DYRK1A: variants seen among roughly 807,000 people sequenced by gnomAD.
The protein encoded by DYRK1A is dual specificity tyrosine phosphorylation regulated kinase 1A.
Under a neutral mutation model 79.7 loss-of-function variants are expected in DYRK1A, and 9 were observed. That is an observed-to-expected ratio of 0.11 (90% confidence interval 0.07 to 0.20). DYRK1A has a LOEUF of 0.20. Among genes scored for constraint, DYRK1A ranks in the 10% least tolerant of loss-of-function variants. DYRK1A has a pLI of 1.00. For synonymous variants in DYRK1A, 349 were observed against 329.7 expected (o/e 1.06, Z -0.63); for missense variants, 622 against 956.0 (o/e 0.65, Z 4.61).
rs2053948104 is a variant in DYRK1A at position 37,523,390 on chromosome 21, A to G, written c.*10859A>G. 6.6e-6 allele frequency: 1 copy of G among 152,178 alleles called. No homozygotes were observed. The highest frequency in any genetic ancestry group is 1.5e-5 in the Non-Finnish European group (1 of 68,050). 9.4% of individuals were successfully genotyped at this position (152,178 alleles called of 1,614,324 possible). ...GGGGGCCCCAGGATTATGCCCCGGG[A>G]TTAAAAGAAGCTGGGAGGCTCTCCA... is the stretch of plus-strand genomic sequence containing the variant. On this transcript the variant is annotated 3_prime_UTR_variant, in exon 12 of 12. Transcript: ENST00000647188.
chr21:37,462,498 G>C (rs1204913597), intron 2 of DYRK1A, among the ~76,000 whole-genome samples: 1 of 152,164 alleles, frequency 6.6e-6, no homozygotes, highest in African/African-American at 2.4e-5. Context: ...ATGTCTTACA[G>C]TCTTGTGTGA....
At chr21:37,480,587 T>A (rs1339693464) in intron 4 of DYRK1A, 51 bp from the exon 5 acceptor site, 2 of 1,422,566 alleles carry the variant, frequency 1.4e-6, no homozygotes, top group Admixed American at 4.6e-5. Context: ...ATAATGCCCT[T>A]CCTCACAGTG....
At chr21:37,375,504 C>T (rs992033518) in intron 1 of DYRK1A, among the ~76,000 whole-genome samples, 2 of 147,228 alleles carry the variant, frequency 1.4e-5, no homozygotes, top group Non-Finnish European at 3.0e-5. Flanking sequence ...TTAGAATATT[C>T]CTAGAGGAAT....
intron 1 of DYRK1A, among the ~76,000 whole-genome samples, chr21:37,406,352 T>G (rs2050145491): frequency 6.6e-6 from 1 of 152,186 alleles, no homozygotes; most frequent in African/African-American, 2.4e-5. Context: ...TCCCTTTTCT[T>G]CAGCTAGAGA....
At chr21:37,495,166 G>A (rs1225546918) in intron 8 of DYRK1A, among the ~76,000 whole-genome samples, 9 of 82,664 alleles carry the variant, frequency 1.1e-4, no homozygotes, top group African/African-American at 3.7e-4. Flanking sequence ...GTGTGTGTGT[G>A]TGTGTGTGTG....
intron 2 of DYRK1A, among the ~76,000 whole-genome samples, chr21:37,458,098 C>T (rs1408288487): frequency 6.6e-6 from 1 of 152,134 alleles, no homozygotes; most frequent in Non-Finnish European, 1.5e-5. Context: ...TAAGCAGGCA[C>T]CTTTCAACTT....
chr21:37,446,749 C>A (rs796464421), intron 2 of DYRK1A, among the ~76,000 whole-genome samples: 14 of 152,254 alleles, frequency 9.2e-5, no homozygotes, highest in African/African-American at 3.4e-4. Context: ...GTTAGTAGAT[C>A]TGAGGCTAAA....
chr21:37,389,731 G>A (rs2049833708), intron 1 of DYRK1A, among the ~76,000 whole-genome samples: 1 of 151,384 alleles, frequency 6.6e-6, no homozygotes, highest in African/African-American at 2.4e-5. Context: ...TGGAGGCTTA[G>A]TAGGCGGATT....
upstream of DYRK1A, chr21:37,365,665 T>C (rs2049288906): frequency 6.6e-6 from 1 of 151,850 alleles, no homozygotes; most frequent in Admixed American, 6.6e-5. Context: ...AGCCAGGATA[T>C]TAATAAAGAG....
chr21:37,418,691 T>C (rs2050405761), intron 1 of DYRK1A, among the ~76,000 whole-genome samples: 1 of 152,218 alleles, frequency 6.6e-6, no homozygotes, highest in Non-Finnish European at 1.5e-5. Flanking sequence ...TGAGTAAAGA[T>C]AATCTTGATT....
intron 2 of DYRK1A, among the ~76,000 whole-genome samples, chr21:37,467,814 AGT>A (rs2052082535): frequency 6.6e-6 from 1 of 152,150 alleles, no homozygotes; most frequent in African/African-American, 2.4e-5. Context: ...ATGTGAGAGT[AGT>A]GTCTGTTACC....
At chr21:37,415,919 A>G (rs77814072) in intron 1 of DYRK1A, among the ~76,000 whole-genome samples, 6,143 of 152,028 alleles carry the variant, frequency 0.04, 444 homozygotes, top group African/African-American at 0.14. Context: ...TTGTTTTTTC[A>G]TGTTTAGGGT....
Position 37,512,454 on chromosome 21 carries a change from A to T in DYRK1A, c.2188A>T (p.Met730Leu), listed in dbSNP as rs201958918. 1.4e-4 allele frequency: 222 copies of T among 1,614,122 alleles called. No individual in the cohort carries two copies. Among genetic ancestry groups the T allele is most frequent in the Non-Finnish European group, 1.8e-4 (209 of 1,180,048 alleles). The part of the protein sequence containing the change: ...AHYMTEGHLT[M>L]RQGADREESP... Reference sequence around the variant, plus strand: ...TTACATGACTGAAGGACATCTGACAATGAGGCAAGGGGCTGATAGAGAAGA... The same window carrying T: ...TTACATGACTGAAGGACATCTGACATTGAGGCAAGGGGCTGATAGAGAAGA... Residue 730 changes from methionine (M) to leucine (L), a missense_variant, in exon 12 of 12, where the codon ATG (methionine) becomes TTG (leucine). Met to Leu is a conservative substitution (Grantham distance 15, BLOSUM62 2). This residue lies in a region of DYRK1A where 292 missense variants were observed against 316.7 expected (regional missense o/e 0.92). Transcript: ENST00000647188.
At chr21:37,479,606 G>GTTTGTTTTTTTTTTT (rs2052537701) in intron 4 of DYRK1A, among the ~76,000 whole-genome samples, 1 of 27,594 alleles carries the variant, frequency 3.6e-5, no homozygotes, top group East Asian at 1.1e-3. Flanking sequence ...TTTTGTTTTT[G>GTTTGTTTTTTTTTTT]TTTTTGTTTT....
At chr21:37,372,448 CA>C (rs60876813) in intron 1 of DYRK1A, among the ~76,000 whole-genome samples, 27,516 of 117,012 alleles carry the variant, frequency 0.24, 2,644 homozygotes, top group East Asian at 0.4. Context: ...AGCACTGTCT[CA>C]AAAAAAAAAA....
At position 37,497,630 on chromosome 21, in the gene DYRK1A, G is replaced by T. The variant is rs189513641; in HGVS notation, c.1212+1372G>T. 9.2e-5 allele frequency among the ~76,000 whole-genome samples: 14 copies of T among 152,182 alleles called. No individual in the cohort carries two copies. In the East Asian group the frequency reaches 2.5e-3, roughly 27 times the overall value. On this transcript the variant is annotated intron_variant, in intron 9 of 11. Coordinates refer to ENST00000647188, the MANE Select transcript of DYRK1A (RefSeq NM_001347721.2). ...GCTGCTGCTTTCTCCATTTCAGATT[G>T]ATTTATTTATATTTTGCTTCTGCTA...
chr21:37,498,360 C>G lies in DYRK1A; in HGVS notation c.1212+2102C>G, dbSNP rs1352623548. On this transcript the variant is annotated intron_variant, in intron 9 of 11. Coordinates refer to ENST00000647188, the MANE Select transcript of DYRK1A (RefSeq NM_001347721.2). ...ATTCCAAATCCTCTTGTGACCTTTTCTGTTATCCCACTACTTTCTGATTTC... is the reference window on the plus strand; with the variant it reads ...ATTCCAAATCCTCTTGTGACCTTTTGTGTTATCCCACTACTTTCTGATTTC... Among the ~76,000 whole-genome samples the G allele has an allele frequency of 2.6e-5, 4 of 152,144 alleles. No individual in the cohort carries two copies. The East Asian group carries it at 7.7e-4, about 29-fold the overall frequency.
At chr21:37,433,426 A>G (rs912513882) in intron 2 of DYRK1A, among the ~76,000 whole-genome samples, 3 of 152,232 alleles carry the variant, frequency 2.0e-5, no homozygotes, top group African/African-American at 4.8e-5. Context: ...TGCTTTATCT[A>G]TATGGAGGGA....
At chr21:37,492,121 A>G (rs1170207200) in intron 7 of DYRK1A, among the ~76,000 whole-genome samples, 1 of 152,204 alleles carries the variant, frequency 6.6e-6, no homozygotes, top group Non-Finnish European at 1.5e-5. Context: ...ATTGGCTTAT[A>G]AAAACCATGG....
Sources: gnomAD v4.1 joint callset for allele counts (sites outside exome capture counted in the v4.1 genomes callset) on GRCh38, gnomAD v4.1.1 for gene constraint, gnomAD v4.1.1 regional missense constraint, MANE v1.5 for transcripts, NCBI Gene and HGNC (gene_info 2026-07-23, HGNC 2026-07-21) for gene names.